The following CARD16 variants were observed in gnomAD, a reference collection of about 807,000 sequenced individuals.
CARD16 encodes caspase recruitment domain-containing protein 16.
A neutral mutation model predicts 11.9 loss-of-function variants in CARD16; 8 were observed. The observed-to-expected ratio is 0.67, with a 90% CI of 0.39 to 1.21. The LOEUF (loss-of-function observed/expected upper bound fraction) is 1.21, where lower values mean the gene tolerates loss of function less well. Among genes scored for constraint, CARD16 ranks in the 50% most tolerant of loss-of-function variants. The pLI, the probability that CARD16 is intolerant of heterozygous loss-of-function variation, is 0.01. For missense variants in CARD16, 131 were observed against 118.1 expected (o/e 1.11, Z -0.51); for synonymous variants, 44 against 43.8 (o/e 1.00, Z -0.02).
In CARD16 at chr11:105,041,697, G is replaced by A. The variant is rs1565232448; in HGVS notation, c.*66C>T. The A allele has an allele frequency of 6.2e-7, 1 of 1,613,860 alleles. No homozygotes were observed. On this transcript the variant is annotated 3_prime_UTR_variant, in exon 4 of 4. Coordinates refer to ENST00000673097, the MANE Select transcript of CARD16 (RefSeq NM_052889.4). ...GGCTTGAGCATGTGGGCATAGCTGGGTTGTCCTGCACTGCCTGAAGAGCTG... is the reference window on the plus strand; with the variant it reads ...GGCTTGAGCATGTGGGCATAGCTGGATTGTCCTGCACTGCCTGAAGAGCTG...
In CARD16 at chr11:105,044,449, T is replaced by C. The variant is rs1192453134; in HGVS notation, c.217A>G (p.Ile73Val). The change falls in exon 2 of 4, where the codon ATC (isoleucine) becomes GTC (valine). Residue 73 changes from isoleucine (I) to valine (V), a missense_variant. Transcript: ENST00000673097. Reference protein sequence around the residue: ...PKGAQACQICITYICEEDSYL... With the variant: ...PKGAQACQICVTYICEEDSYL... ...CTGTCTTCTTCACAAATGTATGTGA[T>C]GCAAATTTGGCATGCCTGTGCCCCT... The C allele has an allele frequency of 1.9e-6, 3 of 1,614,172 alleles. No homozygotes were observed. The South Asian group carries it at 3.3e-5, about 18-fold the overall frequency.
In CARD16 at chr11:105,045,310, C is replaced by T; in HGVS notation, c.-13G>A. 2 of 1,613,966 alleles carry T rather than the reference C, an allele frequency of 1.2e-6. No homozygotes were observed. Among genetic ancestry groups the T allele is most frequent in the Non-Finnish European group, 1.7e-6 (2 of 1,179,862 alleles). On this transcript the variant is annotated 5_prime_UTR_variant, in exon 1 of 4. Coordinates refer to ENST00000673097, the MANE Select transcript of CARD16 (RefSeq NM_052889.4). ...ACTCACCGGCCATGGCTTTTCTCTC[C>T]TACCCTTCTTGTGTGGGCTGAAACT...
chr11:105,042,624 G>A (rs1864130963), intron 3 of CARD16, among the ~76,000 whole-genome samples: 1 of 152,228 alleles, frequency 6.6e-6, no homozygotes, highest in East Asian at 1.9e-4. Context: ...TGTTGACATG[G>A]AGAAGAACTA....
intron 3 of CARD16, among the ~76,000 whole-genome samples, chr11:105,042,807 T>C (rs1450768020): frequency 1.3e-5 from 2 of 152,180 alleles, no homozygotes; most frequent in Non-Finnish European, 2.9e-5. Flanking sequence ...CTGTGAAACA[T>C]TTAAGAAAAC....
chr11:105,043,588 C>T (rs192150849), intron 2 of CARD16, 43 bp from the exon 3 acceptor site: 4 of 1,451,886 alleles, frequency 2.8e-6, no homozygotes, highest in African/African-American at 1.4e-5. Flanking sequence ...CTTATCATCT[C>T]TGGAAAACTT....
At chr11:105,044,163 C>G (rs1864155418) in intron 2 of CARD16, 4 of 645,484 alleles carry the variant, frequency 6.2e-6, no homozygotes, top group African/African-American at 5.5e-5. Context: ...AGGAAATTAG[C>G]TACCATGTAC....
At position 105,041,600 on chromosome 11, in the gene CARD16, G is replaced by T; in HGVS notation, c.*163C>A. The T allele has an allele frequency of 6.2e-7, 1 of 1,614,056 alleles. No homozygotes were observed. Among genetic ancestry groups the T allele is most frequent in the Admixed American group, 1.7e-5 (1 of 60,006 alleles). On this transcript the variant is annotated 3_prime_UTR_variant, in exon 4 of 4. Transcript: ENST00000673097. ...CACTTTATTATTGTATTCTGAACAT[G>T]GCACCTCTGCAACTTTTGTTTCCAT...
chr11:105,043,413 C>T (rs1330644011), intron 3 of CARD16, 70 bp downstream of exon 3: 2 of 1,066,398 alleles, frequency 1.9e-6, no homozygotes, highest in Non-Finnish European at 2.9e-6. Context: ...TCAAGCAGAG[C>T]TCATTCCACT....
chr11:105,045,266 G>T (rs372915799), intron 1 of CARD16, 25 bp downstream of exon 1: 1 of 1,613,898 alleles, frequency 6.2e-7, no homozygotes, highest in Non-Finnish European at 8.5e-7. Flanking sequence ...CCAGGGACCT[G>T]TTCTTGGAAC....
chr11:105,045,049 TTTAA>T lies in CARD16; in HGVS notation c.7+238_7+241del, dbSNP rs1422362342. On this transcript the variant is annotated intron_variant, in intron 1 of 3. Coordinates refer to ENST00000673097, the MANE Select transcript of CARD16 (RefSeq NM_052889.4). Reference sequence around the variant, plus strand: ...CAGACTTACGACAGGTAAGCAAGGGTTTAATTAAGATTGCAAAATGACAGCAGGC... The same window carrying T: ...CAGACTTACGACAGGTAAGCAAGGGTTTAAGATTGCAAAATGACAGCAGGC... 9.5e-6 allele frequency: 6 copies of T among 631,050 alleles called. No homozygotes were observed. The Admixed American group carries it at 1.5e-4, about 15-fold the overall frequency. The allele number at this position is 631,050 out of a possible 1,614,324, so 39.1% of individuals were successfully genotyped here.
At position 105,045,237 on chromosome 11, in the gene CARD16, T is replaced by C. The variant is rs879204764; in HGVS notation, c.7+54A>G. The stretch of plus-strand genomic sequence containing the variant: ...TTATGGCTTCCAGAAGAGCCAGCCC[T>C]TTCCACAACTCTTTCTTCCCAGGGA... On this transcript the variant is annotated intron_variant, in intron 1 of 3. Coordinates refer to ENST00000673097, the MANE Select transcript of CARD16 (RefSeq NM_052889.4). The C allele has an allele frequency of 8.5e-5, 137 of 1,613,284 alleles. 1 individual carries two copies. The South Asian group carries it at 1.3e-3, about 15-fold the overall frequency.
intron 2 of CARD16, chr11:105,044,036 A>C (rs149434968): frequency 2.7e-6 from 1 of 364,244 alleles, no homozygotes; most frequent in East Asian, 5.3e-5. Flanking sequence ...AAACAACTAC[A>C]TAAGGGCTTA....
intron 3 of CARD16, among the ~76,000 whole-genome samples, chr11:105,041,934 C>T (rs1228525900): frequency 6.6e-6 from 1 of 152,096 alleles, no homozygotes; most frequent in East Asian, 1.9e-4. Context: ...CATATTTGAG[C>T]ATAAGTATTT....
chr11:105,044,358 T>C, intron 2 of CARD16, 34 bp downstream of exon 2: 3 of 1,613,380 alleles, frequency 1.9e-6, no homozygotes, highest in Non-Finnish European at 2.5e-6. Context: ...AGACAGGCCC[T>C]AGGTGAACTT....
Position 105,041,569 on chromosome 11 carries a change from T to C in CARD16, c.*194A>G. On this transcript the variant is annotated 3_prime_UTR_variant, in exon 4 of 4. Coordinates refer to ENST00000673097, the MANE Select transcript of CARD16 (RefSeq NM_052889.4). ...TTCAAAACTGCCTGAAGTATATCTT[T>C]CACTCCACTTTATTATTGTATTCTG... 2 of 1,614,088 alleles carry C rather than the reference T, an allele frequency of 1.2e-6. No individual in the cohort carries two copies. The highest frequency in any genetic ancestry group is 1.7e-6 in the Non-Finnish European group (2 of 1,179,940).
At position 105,041,618 on chromosome 11, in the gene CARD16, G is replaced by T. The variant is rs1864113859; in HGVS notation, c.*145C>A. 6.2e-7 allele frequency: 1 copy of T among 1,613,992 alleles called. No homozygotes were observed. Among genetic ancestry groups the T allele is most frequent in the Non-Finnish European group, 8.5e-7 (1 of 1,179,928 alleles). ...TGAACATGGCACCTCTGCAACTTTT[G>T]TTTCCATATCCTTTGAGCGTCTTCT... On this transcript the variant is annotated 3_prime_UTR_variant, in exon 4 of 4. Coordinates refer to ENST00000673097, the MANE Select transcript of CARD16 (RefSeq NM_052889.4).
At chr11:105,042,855 T>G (rs1222217485) in intron 3 of CARD16, among the ~76,000 whole-genome samples, 1 of 152,148 alleles carries the variant, frequency 6.6e-6, no homozygotes, top group Admixed American at 6.6e-5. Context: ...TTCAGTAGAG[T>G]AATATCTGAA....
chr11:105,045,080 A>T (rs1242383260), intron 1 of CARD16: 4 of 672,340 alleles, frequency 5.9e-6, no homozygotes, highest in African/African-American at 3.7e-5. Context: ...ACAGCAGGCT[A>T]CCCCTAAAGT....
At chr11:105,043,427 T>G (rs1388807077) in intron 3 of CARD16, 56 bp downstream of exon 3, 1 of 1,227,432 alleles carries the variant, frequency 8.1e-7, no homozygotes, top group Non-Finnish European at 1.2e-6. Context: ...TTCCACTAAA[T>G]TAATGTTAAA....
Sources: allele counts gnomAD v4.1 joint callset (sites outside exome capture counted in the v4.1 genomes callset), GRCh38; gene constraint gnomAD v4.1.1; transcripts MANE v1.5; gene names NCBI Gene and HGNC (gene_info 2026-07-23, HGNC 2026-07-21).